MIPOL1: variants seen among roughly 807,000 people sequenced by gnomAD.
MIPOL1 encodes mirror-image polydactyly 1, also known as mirror-image polydactyly gene 1 protein.
A neutral mutation model predicts 60.9 loss-of-function variants in MIPOL1; 57 were observed. That is an observed-to-expected ratio of 0.94 (90% CI 0.76 to 1.17). The LOEUF is 1.17. Ranked by LOEUF, MIPOL1 falls within the 50% of genes most tolerant of loss-of-function variation. The pLI, the probability that MIPOL1 is intolerant of heterozygous loss-of-function variation, is 0.00. For missense variants in MIPOL1, 551 were observed against 511.6 expected (o/e 1.08, Z -0.74); for synonymous variants, 179 against 168.8 (o/e 1.06, Z -0.47).
chr14:37,315,773 G>A (rs559752400), intron 9 of MIPOL1, among the ~76,000 whole-genome samples: 12 of 152,088 alleles, frequency 7.9e-5, no homozygotes, highest in Non-Finnish European at 1.6e-4. Context: ...ATTTTGAGCA[G>A]TTACTTGGTT....
intron 11 of MIPOL1, among the ~76,000 whole-genome samples, chr14:37,447,939 G>A (rs1414810459): frequency 1.3e-5 from 2 of 152,090 alleles, no homozygotes. Context: ...GAGATCAAAT[G>A]ACTTGGCCAT....
In MIPOL1 at chr14:37,268,670, T is replaced by C. The variant is rs778758195; in HGVS notation, c.264T>C (p.His88=). The change falls in exon 5 of 13, where the codon CAT becomes CAC. Residue 88 remains histidine, a synonymous_variant. Transcript: ENST00000684589. ...CTTEKYNVME[H]RHNDMHYECM... The stretch of plus-strand genomic sequence containing the variant: ...TTCTTTATTACAGCGTTATGGAACA[T>C]AGACATAATGATATGCATTATGAAT... 6.3e-7 allele frequency: 1 copy of C among 1,589,722 alleles called. No individual in the cohort carries two copies. The highest frequency in any genetic ancestry group is 1.2e-5 in the South Asian group (1 of 86,534).
chr14:37,224,908 G>A (rs577792645), intron 1 of MIPOL1, among the ~76,000 whole-genome samples: 1 of 152,162 alleles, frequency 6.6e-6, no homozygotes, highest in Admixed American at 6.5e-5. Context: ...TATAAAGGGG[G>A]TATAGGCATT....
intron 9 of MIPOL1, among the ~76,000 whole-genome samples, chr14:37,313,480 A>G (rs1226484740): frequency 1.3e-5 from 2 of 152,260 alleles, no homozygotes; most frequent in East Asian, 3.9e-4. Flanking sequence ...CTCTTCATTG[A>G]TTGGACCCTT....
At chr14:37,307,995 A>G (rs1042280694) in intron 7 of MIPOL1, 61 bp from the exon 8 acceptor site, 4 of 1,392,284 alleles carry the variant, frequency 2.9e-6, no homozygotes, top group Non-Finnish European at 3.0e-6. Context: ...TAAAAAGCGA[A>G]CTCATTTTGC....
At chr14:37,421,639 A>G (rs1225703112) in intron 10 of MIPOL1, among the ~76,000 whole-genome samples, 2 of 152,136 alleles carry the variant, frequency 1.3e-5, no homozygotes, top group African/African-American at 2.4e-5. Context: ...AAATTTAACT[A>G]TAAAGTAACA....
At chr14:37,545,641 T>G (rs1030829230) in intron 12 of MIPOL1, 1 of 647,294 alleles carries the variant, frequency 1.5e-6, no homozygotes, top group Admixed American at 2.5e-5. Context: ...AATTTTGTTT[T>G]ATTTTCCTGT....
At chr14:37,407,052 GAAAT>G (rs2093599373) in intron 10 of MIPOL1, among the ~76,000 whole-genome samples, 1 of 152,128 alleles carries the variant, frequency 6.6e-6, no homozygotes, top group African/African-American at 2.4e-5. Flanking sequence ...AATGCACTAA[GAAAT>G]GGTTCAAGAC....
At chr14:37,226,974 G>A (rs545871681) in intron 1 of MIPOL1, among the ~76,000 whole-genome samples, 29 of 152,220 alleles carry the variant, frequency 1.9e-4, no homozygotes, top group African/African-American at 6.7e-4. Context: ...TGCCTCTTTT[G>A]AATTTGTTTT....
At chr14:37,399,965 A>G (rs1463470706) in intron 10 of MIPOL1, 1 of 152,160 alleles carries the variant, frequency 6.6e-6, no homozygotes, top group African/African-American at 2.4e-5. Context: ...AAACTCTAAT[A>G]TTGTACAGTG....
At chr14:37,335,340 A>G (rs1240027766) in intron 9 of MIPOL1, among the ~76,000 whole-genome samples, 1 of 152,098 alleles carries the variant, frequency 6.6e-6, no homozygotes, top group East Asian at 1.9e-4. Context: ...TAGTGTTCGC[A>G]TCACCATCCA....
At chr14:37,545,065 AG>A (rs1355674107) in intron 12 of MIPOL1, among the ~76,000 whole-genome samples, 1 of 152,202 alleles carries the variant, frequency 6.6e-6, no homozygotes, top group Non-Finnish European at 1.5e-5. Flanking sequence ...ATTGTGAAAA[AG>A]GTTTTATCAC....
At chr14:37,485,090 G>A (rs1049207202) in intron 11 of MIPOL1, among the ~76,000 whole-genome samples, 3 of 152,064 alleles carry the variant, frequency 2.0e-5, no homozygotes, top group Non-Finnish European at 4.4e-5. Flanking sequence ...GAGAACATGC[G>A]GTGTTTGGTT....
chr14:37,542,784 G>A (rs1399761435), intron 12 of MIPOL1, among the ~76,000 whole-genome samples: 1 of 152,096 alleles, frequency 6.6e-6, no homozygotes, highest in African/African-American at 2.4e-5. Context: ...CTTCTTATGA[G>A]TAAGGACTAT....
chr14:37,298,017 A>G (rs1308269571), intron 7 of MIPOL1, among the ~76,000 whole-genome samples: 1 of 152,188 alleles, frequency 6.6e-6, no homozygotes, highest in Non-Finnish European at 1.5e-5. Context: ...AAAAGAACAA[A>G]GCTGGAGGCA....
At chr14:37,218,023 G>A (rs1253024694) in intron 1 of MIPOL1, among the ~76,000 whole-genome samples, 2 of 152,074 alleles carry the variant, frequency 1.3e-5, no homozygotes, top group African/African-American at 2.4e-5. Context: ...TCGTTCAGAA[G>A]TTTCCCTTTT....
intron 11 of MIPOL1, among the ~76,000 whole-genome samples, chr14:37,483,288 A>AT (rs1438148243): frequency 3.3e-5 from 5 of 151,348 alleles, no homozygotes; most frequent in African/African-American, 9.7e-5. Context: ...AATTTTTTGT[A>AT]TTTTTTAGTA....
chr14:37,542,339 C>G (rs557877518), intron 12 of MIPOL1, among the ~76,000 whole-genome samples: 1 of 151,914 alleles, frequency 6.6e-6, no homozygotes, highest in East Asian at 1.9e-4. Context: ...TCCTCTTCCT[C>G]CCTCTCTTCT....
At chr14:37,358,951 G>C (rs372659975) in intron 9 of MIPOL1, among the ~76,000 whole-genome samples, 1 of 152,074 alleles carries the variant, frequency 6.6e-6, no homozygotes, top group Non-Finnish European at 1.5e-5. Context: ...TTCTTCTAGG[G>C]TTTTTATGGT....
Sources: gnomAD v4.1 joint callset for allele counts (sites outside exome capture counted in the v4.1 genomes callset) on GRCh38, gnomAD v4.1.1 for gene constraint, MANE v1.5 for transcripts, NCBI Gene and HGNC (gene_info 2026-07-23, HGNC 2026-07-21) for gene names.